The following PTPN12 variants were observed in gnomAD, a reference collection of about 807,000 sequenced individuals.
The protein encoded by PTPN12 is tyrosine-protein phosphatase non-receptor type 12.
PTPN12 carries 29 observed loss-of-function variants against 97.6 expected under a neutral mutation model. The ratio of observed to expected loss-of-function variants is 0.30; its 90% CI spans 0.22 to 0.41. The LOEUF (loss-of-function observed/expected upper bound fraction) is 0.41, where lower values mean the gene tolerates loss of function less well. Ranked by LOEUF, PTPN12 falls within the 10% of genes least tolerant of loss-of-function variation. The probability of loss-of-function intolerance (pLI) is 1.00; values close to 1 mark genes in which losing one functional copy is unlikely to be tolerated. For missense variants in PTPN12, 819 were observed against 926.0 expected, an observed-to-expected ratio of 0.88 and a Z score of 1.50; for synonymous variants, 327 against 300.4, an observed-to-expected ratio of 1.09 and a Z score of -0.91.
At chr7:77,563,603 A>G (rs778099831) in intron 1 of PTPN12, among the ~76,000 whole-genome samples, 8 of 152,326 alleles carry the variant, frequency 5.3e-5, no homozygotes, top group Non-Finnish European at 8.8e-5. Flanking sequence ...ATACATTTTG[A>G]CATGAGCAAA....
chr7:77,581,098 A>T (rs1210014923), intron 2 of PTPN12, among the ~76,000 whole-genome samples: 1 of 152,058 alleles, frequency 6.6e-6, no homozygotes, highest in East Asian at 1.9e-4. Flanking sequence ...TTAAGACAGA[A>T]TCTTCACTCT....
At position 77,611,111 on chromosome 7, in the gene PTPN12, CT is replaced by C. The variant is rs780564550; in HGVS notation, c.939+73del. 2.0e-4 allele frequency: 259 copies of C among 1,276,726 alleles called. 1 individual carries two copies. The highest frequency in any genetic ancestry group is 8.7e-4 in the African/African-American group (58 of 66,774). 79.1% of individuals were successfully genotyped at this position (1,276,726 alleles called of 1,614,324 possible). A position where few individuals can be genotyped will look rare whatever the true frequency, so the allele number is the denominator to read the frequency against. Reference sequence around the variant, plus strand: ...TCTTTGTTAAGATGTAATATTTAGCCTTTTTTTTGTTGTCTTGTGTTTTGTC... The same window carrying C: ...TCTTTGTTAAGATGTAATATTTAGCCTTTTTTTGTTGTCTTGTGTTTTGTC... On this transcript the variant is annotated intron_variant, in intron 11 of 17. Coordinates refer to ENST00000248594, the MANE Select transcript of PTPN12 (RefSeq NM_002835.4).
At chr7:77,600,918 C>A in intron 8 of PTPN12, 112 bp downstream of exon 8, 1 of 978,584 alleles carries the variant, frequency 1.0e-6, no homozygotes, top group Non-Finnish European at 1.5e-6. Flanking sequence ...AGCCTTGATA[C>A]AATGTTTGGG....
rs1789719480 is a variant in PTPN12, at chr7:77,639,381, AGT to A, written c.*104_*105del. On this transcript the variant is annotated 3_prime_UTR_variant, in exon 18 of 18. Transcript: ENST00000248594. ...ATCTTTAATATGTGGGACTAACAGC[AGT>A]GTAGATTGTTACCTTAATATTTTTT... The A allele has an allele frequency of 3.2e-6, 3 of 934,504 alleles. No homozygotes were observed. The highest frequency in any genetic ancestry group is 4.9e-6 in the Non-Finnish European group (3 of 609,362). 57.9% of individuals were successfully genotyped at this position (934,504 alleles called of 1,614,324 possible).
intron 5 of PTPN12, among the ~76,000 whole-genome samples, chr7:77,587,404 A>G (rs1490674614): frequency 6.6e-6 from 1 of 152,050 alleles, no homozygotes; most frequent in Non-Finnish European, 1.5e-5. Context: ...TCCAACCAGT[A>G]GTCCCCAGTA....
At chr7:77,584,263 G>A (rs1414606269) in intron 4 of PTPN12, among the ~76,000 whole-genome samples, 1 of 152,108 alleles carries the variant, frequency 6.6e-6, no homozygotes, top group Admixed American at 6.6e-5. Flanking sequence ...TTTCATTTTT[G>A]TCTTACGGCT....
At chr7:77,635,880 G>C in intron 15 of PTPN12, 31 bp downstream of exon 15, 2 of 1,457,730 alleles carry the variant, frequency 1.4e-6, no homozygotes, top group Non-Finnish European at 1.9e-6. Flanking sequence ...AACAGTTATA[G>C]CTTAACATTT....
rs10278265 is a variant in PTPN12, at chr7:77,564,754, T to G, written c.100-6324T>G. The stretch of plus-strand genomic sequence containing the variant: ...TTGTTTTTTGTTGTCGTGTTTTTTT[T>G]TTTTTTTTTTTTTTTTTTTTTTGAG... On this transcript the variant is annotated intron_variant, in intron 1 of 17. Coordinates refer to ENST00000248594, the MANE Select transcript of PTPN12 (RefSeq NM_002835.4). Among the ~76,000 whole-genome samples the G allele has an allele frequency of 1.9e-3, 116 of 61,254 alleles. 1 individual carries two copies. The highest frequency in any genetic ancestry group is 2.5e-3 in the African/African-American group (28 of 11,240). 40.2% of individuals were successfully genotyped at this position (61,254 alleles called of 152,430 possible).
At chr7:77,571,253 T>A in intron 2 of PTPN12, 67 bp downstream of exon 2, 1 of 923,072 alleles carries the variant, frequency 1.1e-6, no homozygotes, top group Non-Finnish European at 1.7e-6. Flanking sequence ...CCTAACTAGT[T>A]TTATTCTTCC....
chr7:77,639,443 G>A lies in PTPN12; in HGVS notation c.*163G>A. On this transcript the variant is annotated 3_prime_UTR_variant, in exon 18 of 18. Coordinates refer to ENST00000248594, the MANE Select transcript of PTPN12 (RefSeq NM_002835.4). ...ATCTACCTGCCTTATACTACACTTAGGAAAAAGTATTACATATGGTTTATT... is the reference window on the plus strand; with the variant it reads ...ATCTACCTGCCTTATACTACACTTAAGAAAAAGTATTACATATGGTTTATT... 1.8e-6 allele frequency: 1 copy of A among 547,860 alleles called. No homozygotes were observed. The highest frequency in any genetic ancestry group is 3.2e-6 in the Non-Finnish European group (1 of 312,550). 33.9% of individuals were successfully genotyped at this position (547,860 alleles called of 1,614,324 possible).
At chr7:77,592,333 G>GT (rs1369118451) in intron 6 of PTPN12, 77 bp downstream of exon 6, 2 of 1,252,152 alleles carry the variant, frequency 1.6e-6, no homozygotes, top group Non-Finnish European at 2.3e-6. Context: ...TTATAATGTG[G>GT]TATGAACCCA....
chr7:77,635,509 C>T (rs957486120), intron 14 of PTPN12, among the ~76,000 whole-genome samples: 2 of 152,172 alleles, frequency 1.3e-5, no homozygotes, highest in Admixed American at 1.3e-4. Context: ...GTATACTTCA[C>T]TTGTCTGTCA....
intron 13 of PTPN12, among the ~76,000 whole-genome samples, chr7:77,628,662 C>CA (rs1789288345): frequency 6.6e-6 from 1 of 151,700 alleles, no homozygotes; most frequent in Non-Finnish European, 1.5e-5. Context: ...CTCAGCCTCC[C>CA]AAGTAGCTGG....
At chr7:77,595,329 G>A (rs1014215999) in intron 6 of PTPN12, among the ~76,000 whole-genome samples, 8 of 152,202 alleles carry the variant, frequency 5.3e-5, no homozygotes, top group Admixed American at 4.6e-4. Context: ...AATATTCGTA[G>A]TAAGTCATTT....
At chr7:77,631,164 C>CA (rs1283057297) in intron 13 of PTPN12, among the ~76,000 whole-genome samples, 7 of 152,152 alleles carry the variant, frequency 4.6e-5, no homozygotes, top group African/African-American at 1.7e-4. Context: ...GGTGATGACT[C>CA]AGACTACCAC....
intron 9 of PTPN12, among the ~76,000 whole-genome samples, chr7:77,609,849 C>G (rs1002439608): frequency 2.0e-5 from 3 of 151,208 alleles, no homozygotes; most frequent in East Asian, 2.0e-4. Context: ...CCACCGTACT[C>G]CAGCCTGGGC....
intron 12 of PTPN12, among the ~76,000 whole-genome samples, chr7:77,624,675 G>C (rs1789070297): frequency 6.6e-6 from 1 of 151,362 alleles, no homozygotes; most frequent in Admixed American, 6.6e-5. Context: ...TCCTGATCTT[G>C]TGATCCGCCT....
intron 5 of PTPN12, among the ~76,000 whole-genome samples, chr7:77,586,917 TATC>T (rs919758511): frequency 1.3e-5 from 2 of 152,222 alleles, no homozygotes; most frequent in African/African-American, 4.8e-5. Flanking sequence ...TTCCAGGTTT[TATC>T]ATGAGATTGT....
At chr7:77,579,258 A>G (rs1225117796) in intron 2 of PTPN12, among the ~76,000 whole-genome samples, 6 of 152,066 alleles carry the variant, frequency 3.9e-5, no homozygotes, top group African/African-American at 9.7e-5. Context: ...AGTAGCTGAG[A>G]TTACAGGCAT....
Sources: gnomAD v4.1 joint callset for allele counts (sites outside exome capture counted in the v4.1 genomes callset) on GRCh38, gnomAD v4.1.1 for gene constraint, MANE v1.5 for transcripts, NCBI Gene and HGNC (gene_info 2026-07-23, HGNC 2026-07-21) for gene names.